TBPL1: variants seen among roughly 807,000 people sequenced by gnomAD.
TBPL1 encodes TATA box-binding protein-like 1.
In TBPL1, 4 loss-of-function variants were observed where a neutral mutation model predicts 22.1. That is an observed-to-expected ratio of 0.18 (90% CI 0.09 to 0.41). TBPL1 has a LOEUF of 0.41. Among genes scored for constraint, TBPL1 ranks in the 10% least tolerant of loss-of-function variants. TBPL1 has a pLI of 1.00. For synonymous variants in TBPL1, 64 were observed against 71.0 expected, an observed-to-expected ratio of 0.90 and a Z score of 0.50; for missense variants, 115 against 222.3, an observed-to-expected ratio of 0.52 and a Z score of 3.07.
chr6:133,973,033 G>A (rs768672160), intron 1 of TBPL1, among the ~76,000 whole-genome samples: 5 of 152,136 alleles, frequency 3.3e-5, no homozygotes, highest in African/African-American at 9.7e-5. Context: ...AAACAGATAC[G>A]AAAGAACATC....
Position 133,985,044 on chromosome 6 carries a change from C to G in TBPL1, c.481+373C>G, listed in dbSNP as rs140274815. On this transcript the variant is annotated intron_variant, in intron 6 of 6. Transcript: ENST00000237264. ...GCCTGTAAGCCCAGCACTTGGAAGG[C>G]TGAGGCGGGCTTATCACAAGGTCAA... 4.9e-3 allele frequency among the ~76,000 whole-genome samples: 745 copies of G among 151,752 alleles called. 5 individuals carry two copies. Among genetic ancestry groups the G allele is most frequent in the Non-Finnish European group, 7.8e-3 (531 of 67,918 alleles).
Position 133,989,933 on chromosome 6 carries a change from A to G in TBPL1, c.*2893A>G, listed in dbSNP as rs969746846. The G allele has an allele frequency of 1.3e-5, 2 of 152,368 alleles. No homozygotes were observed. The highest frequency in any genetic ancestry group is 2.9e-5 in the Non-Finnish European group (2 of 68,044). 9.4% of individuals were successfully genotyped at this position (152,368 alleles called of 1,614,324 possible). ...CTTTTAAGTTTTTTGTGTGTCTTCCATCACTTAAATATTAGTAATTTAATA... is the reference window on the plus strand; with the variant it reads ...CTTTTAAGTTTTTTGTGTGTCTTCCGTCACTTAAATATTAGTAATTTAATA... On this transcript the variant is annotated 3_prime_UTR_variant, in exon 7 of 7. Transcript: ENST00000237264.
chr6:133,963,794 G>A (rs1480498036), intron 1 of TBPL1, among the ~76,000 whole-genome samples: 1 of 151,894 alleles, frequency 6.6e-6, no homozygotes, highest in East Asian at 2.0e-4. Context: ...ACTTTGGGAG[G>A]CTGAGGCGGG....
intron 6 of TBPL1, 96 bp downstream of exon 6, chr6:133,984,767 C>T: frequency 9.0e-7 from 1 of 1,107,830 alleles, no homozygotes; most frequent in East Asian, 2.6e-5. Context: ...TTGTTCCTTT[C>T]AGTCACTTCT....
chr6:133,979,806 C>G (rs563467835), intron 1 of TBPL1, among the ~76,000 whole-genome samples: 1 of 152,036 alleles, frequency 6.6e-6, no homozygotes, highest in Non-Finnish European at 1.5e-5. Flanking sequence ...ACCATCATGC[C>G]CGGCTAATTT....
intron 1 of TBPL1, among the ~76,000 whole-genome samples, chr6:133,965,529 C>T (rs1776103733): frequency 6.6e-6 from 1 of 152,060 alleles, no homozygotes; most frequent in African/African-American, 2.4e-5. Context: ...CCCCACTCCC[C>T]TCAGCACCAC....
At chr6:133,974,387 G>A (rs539289691) in intron 1 of TBPL1, among the ~76,000 whole-genome samples, 3 of 152,198 alleles carry the variant, frequency 2.0e-5, no homozygotes, top group African/African-American at 7.2e-5. Context: ...AGGTTGGAGT[G>A]CAGTGGCGCG....
intron 1 of TBPL1, among the ~76,000 whole-genome samples, chr6:133,966,518 A>G (rs1776121541): frequency 6.6e-6 from 1 of 152,122 alleles, no homozygotes; most frequent in African/African-American, 2.4e-5. Context: ...CTTAACCTAG[A>G]CCTGTCCTGA....
intron 1 of TBPL1, among the ~76,000 whole-genome samples, chr6:133,965,219 T>C (rs1394927317): frequency 6.6e-6 from 1 of 152,228 alleles, no homozygotes; most frequent in Non-Finnish European, 1.5e-5. Context: ...TTACAGTAGC[T>C]TAGGACAAAT....
chr6:133,981,806 T>TC (rs1206737914), intron 2 of TBPL1, among the ~76,000 whole-genome samples: 4 of 152,238 alleles, frequency 2.6e-5, no homozygotes, highest in African/African-American at 9.6e-5. Flanking sequence ...AACAAATATT[T>TC]CCATTAATGA....
At chr6:133,978,465 G>C (rs1776352696) in intron 1 of TBPL1, among the ~76,000 whole-genome samples, 1 of 152,144 alleles carries the variant, frequency 6.6e-6, no homozygotes, top group Admixed American at 6.5e-5. Context: ...ACGTGCTTAA[G>C]ACCAATGGTA....
At chr6:133,984,721 C>A (rs1350184435) in intron 6 of TBPL1, 50 bp downstream of exon 6, 1 of 1,415,766 alleles carries the variant, frequency 7.1e-7, no homozygotes, top group Admixed American at 1.7e-5. Flanking sequence ...TTGAATGATA[C>A]AAGATGCTCA....
At position 133,962,503 on chromosome 6, in the gene TBPL1, T is replaced by C. The variant is rs141376461; in HGVS notation, c.-45+9078T>C. ...TCTGGTTGAAGTGAGCGAGTGTTAA[T>C]TGTGACTCACTCCATTCACAGAATT... On this transcript the variant is annotated intron_variant, in intron 1 of 6. Transcript: ENST00000237264. Among the ~76,000 whole-genome samples the C allele has an allele frequency of 3.2e-4, 48 of 152,342 alleles. No individual in the cohort carries two copies. In the East Asian group the frequency reaches 8.1e-3, roughly 26 times the overall value.
intron 6 of TBPL1, 146 bp downstream of exon 6, chr6:133,984,817 A>G: frequency 3.1e-6 from 2 of 640,998 alleles, no homozygotes; most frequent in Non-Finnish European, 5.4e-6. Context: ...TTAACACTAG[A>G]TGCATTTTGC....
chr6:133,986,467 A>G (rs1007354004), intron 6 of TBPL1, among the ~76,000 whole-genome samples: 2 of 152,200 alleles, frequency 1.3e-5, no homozygotes, highest in African/African-American at 4.8e-5. Context: ...GGTAATAAAT[A>G]TGTGGATACC....
chr6:133,971,702 T>TC lies in TBPL1; in HGVS notation c.-44-8379dup, dbSNP rs574130832. 1.5e-3 allele frequency among the ~76,000 whole-genome samples: 235 copies of TC among 152,298 alleles called. 2 individuals are homozygous for TC. The highest frequency in any genetic ancestry group is 5.5e-3 in the African/African-American group (228 of 41,560). Reference sequence around the variant, plus strand: ...ATGATACGTGATGTTGAACATTTTTTCATATACCTGTTGGCCATTGGTATG... The same window carrying TC: ...ATGATACGTGATGTTGAACATTTTTTCCATATACCTGTTGGCCATTGGTATG... On this transcript the variant is annotated intron_variant, in intron 1 of 6. Transcript: ENST00000237264.
chr6:133,953,648 G>A (rs1220903350), intron 1 of TBPL1, among the ~76,000 whole-genome samples: 1 of 152,140 alleles, frequency 6.6e-6, no homozygotes, highest in African/African-American at 2.4e-5. Flanking sequence ...GCGATATTTG[G>A]GGATCTCTTT....
chr6:133,957,969 C>A (rs1271068690), intron 1 of TBPL1, among the ~76,000 whole-genome samples: 1 of 152,114 alleles, frequency 6.6e-6, no homozygotes, highest in East Asian at 1.9e-4. Flanking sequence ...CATTGAAATT[C>A]TTTCTTTCTT....
intron 1 of TBPL1, among the ~76,000 whole-genome samples, chr6:133,978,580 G>C (rs1009208556): frequency 6.6e-6 from 1 of 152,144 alleles, no homozygotes; most frequent in Non-Finnish European, 1.5e-5. Context: ...AAAATTATTT[G>C]AGGTAGCTCA....
Sources: gnomAD v4.1 joint callset for allele counts (sites outside exome capture counted in the v4.1 genomes callset) on GRCh38, gnomAD v4.1.1 for gene constraint, MANE v1.5 for transcripts, NCBI Gene and HGNC (gene_info 2026-07-23, HGNC 2026-07-21) for gene names.